Variants in NTM observed in about 807,000 individuals in gnomAD.
The protein encoded by NTM is neurotrimin.
A neutral mutation model predicts 42.1 loss-of-function variants in NTM; 13 were observed. That is an observed-to-expected ratio of 0.31 (90% CI 0.20 to 0.49). The LOEUF is 0.49. NTM is among the 20% of genes least tolerant of loss of function. The pLI is 0.99. For missense variants in NTM, 373 were observed against 452.8 expected (o/e 0.82, Z 1.60); for synonymous variants, 187 against 179.2 (o/e 1.04, Z -0.35).
intron 1 of NTM, among the ~76,000 whole-genome samples, chr11:131,611,595 C>T (rs1366387269): frequency 6.6e-6 from 1 of 152,116 alleles, no homozygotes; most frequent in Non-Finnish European, 1.5e-5. Flanking sequence ...ATTTTTAATT[C>T]AAAAGGAGCT....
At chr11:132,093,859 TAAAAG>T (rs993943432) in intron 2 of NTM, among the ~76,000 whole-genome samples, 1 of 152,166 alleles carries the variant, frequency 6.6e-6, no homozygotes, top group African/African-American at 2.4e-5. Context: ...TTTATGTTGT[TAAAAG>T]AAAAACTTTA....
At position 132,023,668 on chromosome 11, in the gene NTM, CT is replaced by C. The variant is rs368882757; in HGVS notation, c.167+112021del. On this transcript the variant is annotated intron_variant, in intron 2 of 8. Coordinates refer to ENST00000683400, the MANE Select transcript of NTM (RefSeq NM_001352005.2). Reference sequence around the variant, plus strand: ...GAAGTGAACAGCGTTATTGCAAGCACTAGAATTGAGGGGATAGAGGGAAGAT... The same window carrying C: ...GAAGTGAACAGCGTTATTGCAAGCACAGAATTGAGGGGATAGAGGGAAGAT... Among the ~76,000 whole-genome samples the C allele has an allele frequency of 4.7e-3, 716 of 152,142 alleles. 9 individuals carry two copies. The highest frequency in any genetic ancestry group is 0.016 in the African/African-American group (681 of 41,490).
chr11:131,511,761 A>C (rs1237903913), intron 1 of NTM, among the ~76,000 whole-genome samples: 1 of 152,204 alleles, frequency 6.6e-6, no homozygotes, highest in East Asian at 1.9e-4. Context: ...TAAATAGGCA[A>C]CATCTAGTTC....
chr11:132,332,871 A>G (rs2095826500), intron 8 of NTM: 1 of 152,194 alleles, frequency 6.6e-6, no homozygotes, highest in African/African-American at 2.4e-5. Context: ...AGAAGAGAGG[A>G]GAGAACACCT....
At chr11:131,494,118 T>C (rs1955085237) in intron 1 of NTM, among the ~76,000 whole-genome samples, 1 of 152,210 alleles carries the variant, frequency 6.6e-6, no homozygotes, top group Non-Finnish European at 1.5e-5. Flanking sequence ...ATATATCCTT[T>C]AAGGTTATAC....
intron 2 of NTM, among the ~76,000 whole-genome samples, chr11:132,042,419 A>G (rs1207171242): frequency 6.6e-6 from 1 of 152,148 alleles, no homozygotes; most frequent in African/African-American, 2.4e-5. Flanking sequence ...GAAAAATTTG[A>G]CCAAACAAAA....
chr11:131,735,994 G>A (rs968975880), intron 1 of NTM, among the ~76,000 whole-genome samples: 5 of 152,006 alleles, frequency 3.3e-5, no homozygotes, highest in African/African-American at 9.7e-5. Flanking sequence ...CAACACACCT[G>A]GCTACTTTTT....
chr11:132,329,831 G>T (rs952508749), intron 7 of NTM, among the ~76,000 whole-genome samples: 2 of 152,216 alleles, frequency 1.3e-5, no homozygotes, highest in African/African-American at 4.8e-5. Context: ...AGGCTCCAAA[G>T]GTGCAGCTGT....
At chr11:131,509,395 A>G (rs1445149921) in intron 1 of NTM, among the ~76,000 whole-genome samples, 1 of 152,072 alleles carries the variant, frequency 6.6e-6, no homozygotes, top group Non-Finnish European at 1.5e-5. Flanking sequence ...TTCTTTTCCT[A>G]ACTTCAGCTG....
intron 1 of NTM, among the ~76,000 whole-genome samples, chr11:131,882,515 C>T (rs2049699490): frequency 6.6e-6 from 1 of 152,224 alleles, no homozygotes; most frequent in Non-Finnish European, 1.5e-5. Context: ...TATCTGGATG[C>T]TGTGGCCCAG....
At chr11:132,288,656 G>A (rs1161071488) in intron 4 of NTM, among the ~76,000 whole-genome samples, 1 of 151,244 alleles carries the variant, frequency 6.6e-6, no homozygotes, top group Non-Finnish European at 1.5e-5. Context: ...TTTCGCTTTT[G>A]TTGCCCAGGC....
chr11:132,012,439 TA>T (rs1272880770), intron 2 of NTM, among the ~76,000 whole-genome samples: 5 of 150,232 alleles, frequency 3.3e-5, no homozygotes, highest in Admixed American at 2.7e-4. Flanking sequence ...AATTTTAAAT[TA>T]GCACAGTCTG....
At chr11:131,574,020 C>T (rs141570287) in intron 1 of NTM, among the ~76,000 whole-genome samples, 204 of 152,232 alleles carry the variant, frequency 1.3e-3, no homozygotes, top group African/African-American at 4.7e-3. Flanking sequence ...AAGCAAATTG[C>T]TCTATTCCCT....
Position 131,700,453 on chromosome 11 carries a change from G to A in NTM, c.83-211111G>A, listed in dbSNP as rs1052247324. ...CACAACTGTTCATTCTATATCTCTC[G>A]CCAAGACCTGTCTTCTTAGCTCCAC... is the stretch of plus-strand genomic sequence containing the variant. On this transcript the variant is annotated intron_variant, in intron 1 of 8. Transcript: ENST00000683400. 3.3e-5 allele frequency among the ~76,000 whole-genome samples: 5 copies of A among 151,944 alleles called. No homozygotes were observed. In the East Asian group the frequency reaches 9.7e-4, roughly 29 times the overall value.
chr11:132,272,148 T>A (rs1408032561), intron 4 of NTM, among the ~76,000 whole-genome samples: 1 of 152,158 alleles, frequency 6.6e-6, no homozygotes, highest in Non-Finnish European at 1.5e-5. Context: ...CCCTAGGAAC[T>A]GTTTTGATAC....
At chr11:131,409,720 A>T (rs998763118) in intron 1 of NTM, among the ~76,000 whole-genome samples, 3 of 152,196 alleles carry the variant, frequency 2.0e-5, no homozygotes, top group Non-Finnish European at 4.4e-5. Flanking sequence ...GGCACAAGGC[A>T]CTGACTTCAT....
chr11:131,707,244 C>G (rs1024492542), intron 1 of NTM, among the ~76,000 whole-genome samples: 2 of 151,950 alleles, frequency 1.3e-5, no homozygotes, highest in Non-Finnish European at 2.9e-5. Context: ...TAAGATCATG[C>G]AGTATTTGTC....
chr11:131,985,175 C>G lies in NTM; in HGVS notation c.167+73527C>G, dbSNP rs143395223. On this transcript the variant is annotated intron_variant, in intron 2 of 8. Transcript: ENST00000683400. ...GTAATCAATCCCAGAAACGCTTTGG[C>G]TCTTTCTATCCATTTCTTCTAGAGC... 2.1e-3 allele frequency among the ~76,000 whole-genome samples: 325 copies of G among 152,288 alleles called. 2 individuals carry two copies. Among genetic ancestry groups the G allele is most frequent in the African/African-American group, 7.5e-3 (311 of 41,554 alleles).
At chr11:131,526,407 G>A (rs1177748058) in intron 1 of NTM, among the ~76,000 whole-genome samples, 4 of 152,200 alleles carry the variant, frequency 2.6e-5, no homozygotes, top group African/African-American at 9.6e-5. Flanking sequence ...AGATGGGAGC[G>A]TGCATCTCCA....
Sources: allele counts gnomAD v4.1 joint callset (sites outside exome capture counted in the v4.1 genomes callset), GRCh38; gene constraint gnomAD v4.1.1; transcripts MANE v1.5; gene names NCBI Gene and HGNC (gene_info 2026-07-23, HGNC 2026-07-21).